KIZ: variants seen among roughly 807,000 people sequenced by gnomAD.
KIZ encodes kizuna centrosomal protein.
KIZ carries 68 observed loss-of-function variants against 79.6 expected under a neutral mutation model. The ratio of observed to expected loss-of-function variants is 0.85; its 90% confidence interval spans 0.70 to 1.05. The LOEUF (loss-of-function observed/expected upper bound fraction) is 1.05, where lower values mean the gene tolerates loss of function less well. Among genes scored for constraint, KIZ ranks in the 50% least tolerant of loss-of-function variants. The pLI is 0.00. For missense variants in KIZ, 797 were observed against 800.4 expected (o/e 1.00, Z 0.05); for synonymous variants, 280 against 281.8 (o/e 0.99, Z 0.06).
At chr20:21,233,374 T>G (rs530549837) in intron 11 of KIZ, among the ~76,000 whole-genome samples, 2 of 152,244 alleles carry the variant, frequency 1.3e-5, no homozygotes, top group Non-Finnish European at 2.9e-5. Context: ...AGCACTCGCT[T>G]CTTGTAGGTT....
intron 4 of KIZ, chr20:21,148,707 A>G (rs1000068317): frequency 2.6e-5 from 4 of 152,224 alleles, no homozygotes; most frequent in African/African-American, 4.8e-5. Context: ...AAAGATTGAG[A>G]TGGCGTTTTT....
intron 6 of KIZ, among the ~76,000 whole-genome samples, chr20:21,167,814 A>G (rs572552588): frequency 2.0e-5 from 3 of 152,254 alleles, no homozygotes; most frequent in East Asian, 3.9e-4. Flanking sequence ...GCCTGCCTTC[A>G]AAGTGCTGGG....
In KIZ at chr20:21,232,772, G is replaced by A. The variant is rs1314658722; in HGVS notation, c.1822G>A (p.Ala608Thr). 1 of 1,596,018 alleles carries A rather than the reference G, an allele frequency of 6.3e-7. No homozygotes were observed. The highest frequency in any genetic ancestry group is 8.6e-7 in the Non-Finnish European group (1 of 1,168,982). Residue 608 changes from alanine to threonine, a missense_variant, in exon 11 of 13, where the codon GCT (alanine) becomes ACT (threonine). Ala to Thr is a moderately conservative substitution (Grantham distance 58, BLOSUM62 0). Coordinates refer to ENST00000619189, the MANE Select transcript of KIZ (RefSeq NM_018474.6). ...CAGCGGTGCATTCGAGACAAAGACA[G>A]CTAACAAAATTGCTTCGGAAGCTAG... ...IGSGAFETKT[A>T]NKIASEASFS...
chr20:21,172,999 A>G (rs2034277727), intron 6 of KIZ, among the ~76,000 whole-genome samples: 2 of 152,140 alleles, frequency 1.3e-5, no homozygotes, highest in Admixed American at 1.3e-4. Context: ...CCTGAATCCG[A>G]ACAGGTGTTG....
intron 3 of KIZ, among the ~76,000 whole-genome samples, chr20:21,145,343 C>T (rs1200774591): frequency 6.6e-6 from 1 of 151,886 alleles, no homozygotes; most frequent in Non-Finnish European, 1.5e-5. Context: ...AAAAATCCAT[C>T]AAATCTTATT....
rs190634890 is a variant in KIZ, at chr20:21,130,333, C to T, written c.90-1764C>T. ...CAGTCGTGCTTTCTTAGGAATACAA[C>T]AGAAATGAAGCACTACCTCAGGGCA... On this transcript the variant is annotated intron_variant, in intron 1 of 12. Transcript: ENST00000619189. 2.0e-5 allele frequency among the ~76,000 whole-genome samples: 3 copies of T among 152,304 alleles called. No individual in the cohort carries two copies. The East Asian group carries it at 5.8e-4, about 29-fold the overall frequency.
chr20:21,215,846 C>G (rs1192043795), intron 9 of KIZ, among the ~76,000 whole-genome samples, 198 bp downstream of exon 9: 1 of 152,160 alleles, frequency 6.6e-6, no homozygotes, highest in East Asian at 1.9e-4. Flanking sequence ...ATCACCGTGT[C>G]TATTGAATTC....
At chr20:21,179,056 T>G (rs2122888418) in intron 6 of KIZ, among the ~76,000 whole-genome samples, 1 of 152,230 alleles carries the variant, frequency 6.6e-6, no homozygotes, top group South Asian at 2.1e-4. Flanking sequence ...TTTGCCTGGG[T>G]TTGGCATCAG....
At chr20:21,176,510 A>G (rs952047671) in intron 6 of KIZ, among the ~76,000 whole-genome samples, 4 of 151,472 alleles carry the variant, frequency 2.6e-5, no homozygotes, top group African/African-American at 9.7e-5. Context: ...CTAAAGGACT[A>G]TTTACCTAGT....
intron 1 of KIZ, among the ~76,000 whole-genome samples, chr20:21,131,353 T>C (rs1287253203): frequency 6.6e-6 from 1 of 152,182 alleles, no homozygotes; most frequent in East Asian, 1.9e-4. Context: ...CTGTGACAAA[T>C]AATGACACCA....
intron 11 of KIZ, among the ~76,000 whole-genome samples, chr20:21,240,200 C>A (rs549304531): frequency 3.1e-4 from 47 of 152,180 alleles, no homozygotes; most frequent in Non-Finnish European, 5.1e-4. Flanking sequence ...TGTCAGCTCA[C>A]TGTAACCTCT....
At chr20:21,202,309 TG>T (rs2035630433) in intron 6 of KIZ, 1 of 152,230 alleles carries the variant, frequency 6.6e-6, no homozygotes, top group African/African-American at 2.4e-5. Context: ...TTATAAGAAA[TG>T]TACCTGCTGA....
chr20:21,170,008 G>A lies in KIZ; in HGVS notation c.1352+6849G>A, dbSNP rs2034131686. 2.0e-5 allele frequency among the ~76,000 whole-genome samples: 3 copies of A among 152,106 alleles called. No homozygotes were observed. The South Asian group carries it at 6.2e-4, about 32-fold the overall frequency. The stretch of plus-strand genomic sequence containing the variant: ...TGGTGGCTTCTGGGTTTTGCCAATT[G>A]TGAATAAAGCTGCCATAAATATCTC... On this transcript the variant is annotated intron_variant, in intron 6 of 12. Coordinates refer to ENST00000619189, the MANE Select transcript of KIZ (RefSeq NM_018474.6).
chr20:21,197,352 G>A (rs2035384115), intron 6 of KIZ: 1 of 152,204 alleles, frequency 6.6e-6, no homozygotes, highest in Admixed American at 6.5e-5. Flanking sequence ...AATAGGATCT[G>A]AATGGAAAAC....
intron 6 of KIZ, among the ~76,000 whole-genome samples, chr20:21,167,559 C>CT (rs11445129): frequency 0.55 from 62,028 of 111,786 alleles, 19,727 homozygotes; most frequent in South Asian, 0.79. Flanking sequence ...GTTTGTTTCG[C>CT]TTTTTTTTTT....
intron 12 of KIZ, 152 bp from the exon 13 acceptor site, chr20:21,246,327 G>C: frequency 1.6e-6 from 1 of 636,958 alleles, no homozygotes; most frequent in East Asian, 2.8e-5. Context: ...ACATGCATTT[G>C]GGTGTGTCTG....
chr20:21,148,250 A>AT (rs1343052647), intron 4 of KIZ, among the ~76,000 whole-genome samples: 1 of 152,086 alleles, frequency 6.6e-6, no homozygotes, highest in Non-Finnish European at 1.5e-5. Context: ...ATAAAAAGGT[A>AT]TTTTTTAAGT....
At chr20:21,190,543 C>T (rs1188398842) in intron 6 of KIZ, among the ~76,000 whole-genome samples, 1 of 152,130 alleles carries the variant, frequency 6.6e-6, no homozygotes, top group East Asian at 1.9e-4. Flanking sequence ...TCGGGATAAC[C>T]GGTATGCCAC....
intron 7 of KIZ, among the ~76,000 whole-genome samples, chr20:21,210,065 T>G (rs1303252829): frequency 6.6e-6 from 1 of 152,114 alleles, no homozygotes; most frequent in Non-Finnish European, 1.5e-5. Flanking sequence ...TATATTGATA[T>G]GAGAGGCCGA....
Sources: allele counts gnomAD v4.1 joint callset (sites outside exome capture counted in the v4.1 genomes callset), GRCh38; gene constraint gnomAD v4.1.1; transcripts MANE v1.5; gene names NCBI Gene and HGNC (gene_info 2026-07-23, HGNC 2026-07-21).